The following ZNF248 variants were observed in gnomAD, a reference collection of about 807,000 sequenced individuals.
The protein encoded by ZNF248 is zinc finger protein 248.
In ZNF248, 20 loss-of-function variants were observed where a neutral mutation model predicts 44.3. The ratio of observed to expected loss-of-function variants is 0.45; its 90% CI spans 0.32 to 0.66. The LOEUF is 0.66. ZNF248 is among the 30% of genes least tolerant of loss of function. The pLI, the probability that ZNF248 is intolerant of heterozygous loss-of-function variation, is 0.04. For synonymous variants in ZNF248, 224 were observed against 229.0 expected, an observed-to-expected ratio of 0.98 and a Z score of 0.20; for missense variants, 654 against 677.0, an observed-to-expected ratio of 0.97 and a Z score of 0.38.
At chr10:37,826,179 A>AGT (rs981599709), downstream of ZNF248, among the ~76,000 whole-genome samples, 42 of 152,086 alleles carry the variant, frequency 2.8e-4, no homozygotes, top group Admixed American at 5.2e-4. Context: ...CCATTGTGTA[A>AGT]GTGTGTGTGT....
At chr10:37,833,196 TCATA>T in intron 5 of ZNF248, 80 bp from the exon 6 acceptor site, 2 of 1,483,812 alleles carry the variant, frequency 1.3e-6, no homozygotes, top group South Asian at 2.9e-5. Flanking sequence ...AAATGCACTA[TCATA>T]CAGTCAATTC....
chr10:37,773,393 T>G (rs1192891458), downstream of ZNF248, among the ~76,000 whole-genome samples: 1 of 152,166 alleles, frequency 6.6e-6, no homozygotes, highest in Non-Finnish European at 1.5e-5. Context: ...AAACAGAAAG[T>G]AAGTGTTGGT....
Position 37,831,167 on chromosome 10 carries a change from T to G in ZNF248, c.*448A>C. 1 of 1,523,376 alleles carries G rather than the reference T, an allele frequency of 6.6e-7. No individual in the cohort carries two copies. Among genetic ancestry groups the G allele is most frequent in the Non-Finnish European group, 8.8e-7 (1 of 1,133,388 alleles). The allele number at this position is 1,523,376 out of a possible 1,614,324, so 94.4% of individuals were successfully genotyped here. A position where few individuals can be genotyped will look rare whatever the true frequency, so the allele number is the denominator to read the frequency against. On this transcript the variant is annotated 3_prime_UTR_variant, in exon 6 of 6. Transcript: ENST00000395867. ...CAATTAAGGGTACGTATCTTCTCCT[T>G]ATGATCATGTTGAGTTCCAATATAC...
chr10:37,844,155 A>C (rs1007207157), intron 3 of ZNF248, among the ~76,000 whole-genome samples: 10 of 152,236 alleles, frequency 6.6e-5, no homozygotes, highest in Non-Finnish European at 1.5e-4. Context: ...ACAACCACAG[A>C]GGTCAGACAC....
Position 37,829,292 on chromosome 10 carries a change from T to C in ZNF248, c.*2323A>G. On this transcript the variant is annotated 3_prime_UTR_variant, in exon 6 of 6. Coordinates refer to ENST00000395867, the MANE Select transcript of ZNF248 (RefSeq NM_021045.3). ...GCTCAGAATGGCAATGGCTTCCTGC[T>C]GATACAAGTCTCTGGGTGTTTCACT... The C allele has an allele frequency of 3.0e-6, 3 of 985,452 alleles. No homozygotes were observed. Among genetic ancestry groups the C allele is most frequent in the Non-Finnish European group, 3.6e-6 (3 of 829,940 alleles). 61.0% of individuals were successfully genotyped at this position (985,452 alleles called of 1,614,324 possible). A position where few individuals can be genotyped will look rare whatever the true frequency, so the allele number is the denominator to read the frequency against.
intron 6 of ZNF248, among the ~76,000 whole-genome samples, chr10:37,788,229 C>T (rs568782227): frequency 6.9e-6 from 1 of 145,434 alleles, no homozygotes; most frequent in African/African-American, 2.6e-5. Context: ...CGTGCCGCTG[C>T]ACCCTATCCT....
chr10:37,839,500 TACACAAACACAC>T (rs1206657063), intron 3 of ZNF248, among the ~76,000 whole-genome samples: 5 of 139,300 alleles, frequency 3.6e-5, no homozygotes, highest in Admixed American at 1.5e-4. Flanking sequence ...TATACATGTA[TACACAAACACAC>T]ACACACACAC....
chr10:37,845,380 T>C (rs1267699086), intron 3 of ZNF248, among the ~76,000 whole-genome samples: 1 of 135,628 alleles, frequency 7.4e-6, no homozygotes, highest in Middle Eastern at 3.5e-3. Flanking sequence ...AGAATGGATT[T>C]AAAAAAAAAA....
chr10:37,843,872 C>G (rs1288435951), intron 3 of ZNF248, among the ~76,000 whole-genome samples: 3 of 150,822 alleles, frequency 2.0e-5, no homozygotes, highest in Non-Finnish European at 1.5e-5. Flanking sequence ...AGGAGCAGAA[C>G]AGAAAAAAAT....
chr10:37,761,519 A>T, the ZNF248 span, among the ~76,000 whole-genome samples: 1 of 152,258 alleles, frequency 6.6e-6, no homozygotes, highest in South Asian at 2.1e-4. Context: ...TATTTTAAAT[A>T]TAAGATATAC....
downstream of ZNF248, among the ~76,000 whole-genome samples, chr10:37,774,462 T>C (rs965345030): frequency 1.3e-5 from 2 of 152,184 alleles, no homozygotes; most frequent in African/African-American, 2.4e-5. Flanking sequence ...TGGTTAAAAA[T>C]CTAGAGAGTA....
intron 6 of ZNF248, among the ~76,000 whole-genome samples, chr10:37,823,453 T>C (rs933608452): frequency 6.6e-6 from 1 of 152,052 alleles, no homozygotes; most frequent in African/African-American, 2.4e-5. Flanking sequence ...CGTTCTATAT[T>C]TTCAAATCTT....
the ZNF248 span, among the ~76,000 whole-genome samples, chr10:37,764,900 T>C: frequency 9.9e-5 from 15 of 152,226 alleles, no homozygotes; most frequent in African/African-American, 3.6e-4. Context: ...TACAATATAT[T>C]ATATGCATGA....
intron 6 of ZNF248, chr10:37,795,039 T>G (rs1206801886): frequency 3.3e-5 from 5 of 152,338 alleles, no homozygotes; most frequent in Non-Finnish European, 7.3e-5. Context: ...TGGAACTTTT[T>G]GTGTAAGGCA....
At chr10:37,767,305 T>C in the ZNF248 span, among the ~76,000 whole-genome samples, 6 of 151,856 alleles carry the variant, frequency 4.0e-5, no homozygotes, top group African/African-American at 1.2e-4. Context: ...GAAGAGCAAG[T>C]CCAAGACACA....
intron 3 of ZNF248, among the ~76,000 whole-genome samples, chr10:37,851,848 C>CAGT (rs1156677001): frequency 6.9e-6 from 1 of 144,970 alleles, no homozygotes; most frequent in Admixed American, 7.0e-5. Context: ...ATCATGCGTA[C>CAGT]AGTGGCTAGC....
intron 6 of ZNF248, among the ~76,000 whole-genome samples, chr10:37,799,047 G>C (rs2049489396): frequency 6.6e-6 from 1 of 151,976 alleles, no homozygotes; most frequent in Non-Finnish European, 1.5e-5. Flanking sequence ...TGCCAACCCT[G>C]TATGTACATG....
chr10:37,839,500 TACACAAACAC>T (rs1259632781), intron 3 of ZNF248, among the ~76,000 whole-genome samples: 3 of 139,208 alleles, frequency 2.2e-5, no homozygotes, highest in African/African-American at 5.6e-5. Flanking sequence ...TATACATGTA[TACACAAACAC>T]ACACACACAC....
chr10:37,836,791 C>G (rs1043974167), intron 5 of ZNF248, among the ~76,000 whole-genome samples: 4 of 151,780 alleles, frequency 2.6e-5, no homozygotes, highest in Non-Finnish European at 4.4e-5. Flanking sequence ...CACACACACA[C>G]ACACACACAC....
Sources: allele counts gnomAD v4.1 joint callset (sites outside exome capture counted in the v4.1 genomes callset), GRCh38; gene constraint gnomAD v4.1.1; transcripts MANE v1.5; gene names NCBI Gene and HGNC (gene_info 2026-07-23, HGNC 2026-07-21).